Variants in INO80 observed in about 807,000 individuals in gnomAD.
INO80 encodes chromatin-remodeling ATPase INO80.
In INO80, 20 loss-of-function variants were observed where a neutral mutation model predicts 203.4. The ratio of observed to expected loss-of-function variants is 0.10; its 90% confidence interval spans 0.07 to 0.14. The LOEUF is 0.14. Among genes scored for constraint, INO80 ranks in the 10% least tolerant of loss-of-function variants. The probability of loss-of-function intolerance (pLI) is 1.00; values close to 1 mark genes in which losing one functional copy is unlikely to be tolerated. For synonymous variants in INO80, 726 were observed against 685.2 expected (o/e 1.06, Z -0.93); for missense variants, 1,419 against 1,914.4 (o/e 0.74, Z 4.83).
At chr15:41,062,101 CAT>C (rs1411604360) in intron 14 of INO80, among the ~76,000 whole-genome samples, 3 of 151,888 alleles carry the variant, frequency 2.0e-5, no homozygotes, top group Admixed American at 1.3e-4. Flanking sequence ...AAAATCTAAA[CAT>C]AAAATATATA....
chr15:41,011,117 A>G (rs917134775), intron 27 of INO80, among the ~76,000 whole-genome samples: 1 of 152,232 alleles, frequency 6.6e-6, no homozygotes, highest in African/African-American at 2.4e-5. Context: ...CATATGTTCC[A>G]GTCACAATGG....
chr15:41,110,472 C>T (rs748775776), intron 1 of INO80, among the ~76,000 whole-genome samples: 2 of 151,906 alleles, frequency 1.3e-5, no homozygotes, highest in Non-Finnish European at 2.9e-5. Context: ...CAGGGTCTCG[C>T]TTGTCACCCA....
chr15:41,096,192 G>A lies in INO80; in HGVS notation c.119C>T (p.Ala40Val), dbSNP rs2045720874. 1.2e-6 allele frequency: 2 copies of A among 1,610,360 alleles called. No individual in the cohort carries two copies. The highest frequency in any genetic ancestry group is 1.7e-6 in the Non-Finnish European group (2 of 1,179,114). ...RLDHFLRQTS[A>V]IFNRNISSDD... is the part of the protein sequence containing the mutation. ...CCTAGAAATATTCCTATTGAAGATAGCTGACGTTTGTCGCAGAAAATGGTC... is the reference window on the plus strand; with the variant it reads ...CCTAGAAATATTCCTATTGAAGATAACTGACGTTTGTCGCAGAAAATGGTC... Residue 40 changes from alanine to valine, a missense_variant, in exon 2 of 36, where the codon GCT (alanine) becomes GTT (valine). Around this residue, in one of 9 missense-constraint regions of INO80, gnomAD observed 323 missense variants for 325.4 expected, o/e 0.99. Transcript: ENST00000648947.
intron 9 of INO80, among the ~76,000 whole-genome samples, chr15:41,077,953 T>C (rs1054145162): frequency 6.7e-6 from 1 of 149,226 alleles, no homozygotes; most frequent in African/African-American, 2.5e-5. Context: ...CAGGCTGGAG[T>C]GTAGTGGCAC....
At chr15:41,088,372 G>A (rs531188046) in intron 5 of INO80, among the ~76,000 whole-genome samples, 2 of 151,902 alleles carry the variant, frequency 1.3e-5, no homozygotes, top group South Asian at 4.2e-4. Context: ...CCAAAGTGCT[G>A]GGATTAACAA....
At position 41,003,128 on chromosome 15, in the gene INO80, C is replaced by CA. The variant is rs1436798248; in HGVS notation, c.3497+2464dup. Among the ~76,000 whole-genome samples the CA allele has an allele frequency of 2.0e-5, 3 of 147,608 alleles. No individual in the cohort carries two copies. In the Admixed American group the frequency reaches 2.0e-4, roughly 10 times the overall value. ...GAGCGAGACTCTGTCTCAGAAAAAA[C>CA]AAAAACAAAAACAAAAGTTGTTGGC... On this transcript the variant is annotated intron_variant, in intron 28 of 35. Coordinates refer to ENST00000648947, the MANE Select transcript of INO80 (RefSeq NM_017553.3).
At chr15:41,046,200 T>TAC (rs1254647002) in intron 23 of INO80, among the ~76,000 whole-genome samples, 1 of 44,174 alleles carries the variant, frequency 2.3e-5, no homozygotes, top group South Asian at 9.7e-4. Flanking sequence ...TGTGTGCGTA[T>TAC]ACATACATAT....
At chr15:41,042,257 G>A (rs1014759767) in intron 24 of INO80, among the ~76,000 whole-genome samples, 3 of 151,772 alleles carry the variant, frequency 2.0e-5, no homozygotes, top group African/African-American at 4.8e-5. Context: ...CAAGGGATCC[G>A]CCCACCTCAT....
At chr15:41,082,438 C>T (rs1307622662) in intron 7 of INO80, among the ~76,000 whole-genome samples, 3 of 151,832 alleles carry the variant, frequency 2.0e-5, no homozygotes, top group East Asian at 1.9e-4. Flanking sequence ...TGGTGGCTCA[C>T]GCCTGTAATC....
chr15:41,044,830 C>T, intron 24 of INO80, 74 bp downstream of exon 24: 3 of 1,440,780 alleles, frequency 2.1e-6, no homozygotes, highest in African/African-American at 1.4e-5. Context: ...ATTTACTTTA[C>T]TATTATTTTT....
At chr15:41,070,368 T>C in intron 13 of INO80, 99 bp downstream of exon 13, 2 of 1,032,838 alleles carry the variant, frequency 1.9e-6, no homozygotes, top group South Asian at 1.4e-5. Context: ...TATCTTGGAA[T>C]GCTACACAGC....
At chr15:41,073,532 A>T (rs1461839825) in intron 10 of INO80, 37 bp from the exon 11 acceptor site, 4 of 1,512,360 alleles carry the variant, frequency 2.6e-6, no homozygotes, top group Non-Finnish European at 3.7e-6. Context: ...ACACTTTATC[A>T]ACTGATTTTG....
At chr15:41,112,845 C>T (rs1428515324) in intron 1 of INO80, among the ~76,000 whole-genome samples, 1 of 146,830 alleles carries the variant, frequency 6.8e-6, no homozygotes, top group Non-Finnish European at 1.5e-5. Flanking sequence ...AAAACTTAGT[C>T]TCCTATTAAC....
At chr15:41,055,850 A>G (rs914892460) in intron 17 of INO80, among the ~76,000 whole-genome samples, 1 of 152,148 alleles carries the variant, frequency 6.6e-6, no homozygotes, top group Non-Finnish European at 1.5e-5. Flanking sequence ...TTTATTACAC[A>G]AGCAAAGTTG....
intron 29 of INO80, among the ~76,000 whole-genome samples, chr15:40,990,260 A>T (rs1217696574): frequency 6.6e-6 from 1 of 152,124 alleles, no homozygotes; most frequent in East Asian, 1.9e-4. Context: ...TTGCCTACCT[A>T]CCTTGGTCCA....
intron 24 of INO80, among the ~76,000 whole-genome samples, chr15:41,036,307 T>C (rs1229000741): frequency 1.3e-5 from 2 of 151,846 alleles, no homozygotes; most frequent in Non-Finnish European, 2.9e-5. Flanking sequence ...TAACTACTAC[T>C]ACAGGGGCTA....
chr15:41,105,855 C>G (rs2045873061), intron 1 of INO80, among the ~76,000 whole-genome samples: 2 of 152,074 alleles, frequency 1.3e-5, no homozygotes, highest in South Asian at 4.1e-4. Flanking sequence ...TATTTTTTGG[C>G]ACAACAAGAT....
chr15:41,036,531 C>T (rs1294931736), intron 24 of INO80, among the ~76,000 whole-genome samples: 1 of 126,982 alleles, frequency 7.9e-6, no homozygotes, highest in South Asian at 2.7e-4. Context: ...GTGCTCTTCA[C>T]AAAATTCTAT....
intron 1 of INO80, among the ~76,000 whole-genome samples, chr15:41,106,511 C>A (rs752452849): frequency 4.0e-5 from 6 of 151,878 alleles, no homozygotes; most frequent in African/African-American, 9.7e-5. Context: ...TACCTGTAGT[C>A]CCAGCCCCAG....
Sources: allele counts gnomAD v4.1 joint callset (sites outside exome capture counted in the v4.1 genomes callset), GRCh38; gene constraint gnomAD v4.1.1; regional missense constraint gnomAD v4.1.1; transcripts MANE v1.5; gene names NCBI Gene and HGNC (gene_info 2026-07-23, HGNC 2026-07-21).